Variants in SRC observed in about 807,000 individuals in gnomAD.
SRC encodes the protein SRC proto-oncogene, non-receptor tyrosine kinase, also known as proto-oncogene tyrosine-protein kinase Src.
In SRC, 13 loss-of-function variants were observed where a neutral mutation model predicts 62.9. The observed-to-expected ratio is 0.21, with a 90% CI of 0.13 to 0.33. The LOEUF is 0.33. Ranked by LOEUF, SRC falls within the 10% of genes least tolerant of loss-of-function variation. The pLI, the probability that SRC is intolerant of heterozygous loss-of-function variation, is 1.00. For missense variants in SRC, 457 were observed against 737.3 expected, an observed-to-expected ratio of 0.62 and a Z score of 4.40; for synonymous variants, 302 against 317.5, an observed-to-expected ratio of 0.95 and a Z score of 0.52.
intron 2 of SRC, among the ~76,000 whole-genome samples, chr20:37,367,629 C>T (rs2070084521): frequency 6.6e-6 from 1 of 151,518 alleles, no homozygotes; most frequent in Admixed American, 6.6e-5. Flanking sequence ...TGCATGCCAC[C>T]ATGCCTGACT....
At chr20:37,399,544 A>G (rs2070707811) in intron 9 of SRC, among the ~76,000 whole-genome samples, 1 of 150,168 alleles carries the variant, frequency 6.7e-6, no homozygotes, top group East Asian at 1.9e-4. Flanking sequence ...GCTGCTTTTT[A>G]GGACTTTTTT....
chr20:37,375,151 G>A lies in SRC; in HGVS notation c.-172-7468G>A, dbSNP rs570218477. ...TCACCATGTTGGCCAGGCTGATCTC[G>A]AACTCCTGACCTCAGGTGATCCACC... is the stretch of plus-strand genomic sequence containing the variant. On this transcript the variant is annotated intron_variant, in intron 2 of 13. Transcript: ENST00000373578. 3.3e-5 allele frequency among the ~76,000 whole-genome samples: 5 copies of A among 151,056 alleles called. No individual in the cohort carries two copies. The East Asian group carries it at 5.9e-4, about 18-fold the overall frequency.
rs527829407 is a variant in SRC at position 37,373,302 on chromosome 20, T to C, written c.-173+8025T>C. On this transcript the variant is annotated intron_variant, in intron 2 of 13. Coordinates refer to ENST00000373578, the MANE Select transcript of SRC (RefSeq NM_198291.3). ...CACACACATATTACATATGTACACATGCACACATTACATATGTACACACAT... is the reference window on the plus strand; with the variant it reads ...CACACACATATTACATATGTACACACGCACACATTACATATGTACACACAT... Among the ~76,000 whole-genome samples the C allele has an allele frequency of 5.3e-5, 8 of 151,578 alleles. 1 individual carries two copies. The South Asian group carries it at 1.0e-3, about 20-fold the overall frequency.
At chr20:37,347,375 C>G (rs921444076) in intron 1 of SRC, among the ~76,000 whole-genome samples, 1 of 152,222 alleles carries the variant, frequency 6.6e-6, no homozygotes, top group Non-Finnish European at 1.5e-5. Context: ...CTTGTCTCAC[C>G]CAGTGACCTG....
Position 37,394,063 on chromosome 20 carries a change from G to A in SRC, c.449+70G>A, listed in dbSNP as rs1452022174. 2.3e-5 allele frequency: 36 copies of A among 1,571,512 alleles called. No homozygotes were observed. In the South Asian group the frequency reaches 3.4e-4, roughly 15 times the overall value. Reference sequence around the variant, plus strand: ...TGCCGGTGCAGAGTGCCTCTCCTGGGCTGGGGTGGGAGGTCTGGCTGTCCA... The same window carrying A: ...TGCCGGTGCAGAGTGCCTCTCCTGGACTGGGGTGGGAGGTCTGGCTGTCCA... On this transcript the variant is annotated intron_variant, in intron 6 of 13. Coordinates refer to ENST00000373578, the MANE Select transcript of SRC (RefSeq NM_198291.3).
At chr20:37,359,650 G>C (rs2069935772) in intron 1 of SRC, among the ~76,000 whole-genome samples, 1 of 152,166 alleles carries the variant, frequency 6.6e-6, no homozygotes, top group African/African-American at 2.4e-5. Context: ...TGAGAAAGGG[G>C]AAGAACAGGG....
At chr20:37,383,886 C>T (rs946733680) in intron 3 of SRC, among the ~76,000 whole-genome samples, 3 of 150,008 alleles carry the variant, frequency 2.0e-5, no homozygotes, top group African/African-American at 7.6e-5. Context: ...CGCGTGCCAC[C>T]ATGCCCGGCT....
At chr20:37,399,438 G>A (rs145497410) in intron 9 of SRC, among the ~76,000 whole-genome samples, 16 of 152,276 alleles carry the variant, frequency 1.1e-4, no homozygotes, top group African/African-American at 3.4e-4. Context: ...TAACACATGA[G>A]GCACGTTCAA....
In SRC at chr20:37,396,950, C is replaced by T. The variant is rs1464327133; in HGVS notation, c.703+639C>T. ...AGCCTCCTCCTCCTCTCAGCTTGGCCTCCTGACTTCCTCTGGGATCACCCG... is the reference window on the plus strand; with the variant it reads ...AGCCTCCTCCTCCTCTCAGCTTGGCTTCCTGACTTCCTCTGGGATCACCCG... On this transcript the variant is annotated intron_variant, in intron 8 of 13. Coordinates refer to ENST00000373578, the MANE Select transcript of SRC (RefSeq NM_198291.3). The surrounding 1 kb of genome is among the most constrained non-coding windows in gnomAD (Gnocchi z 6.1). 1.3e-5 allele frequency among the ~76,000 whole-genome samples: 2 copies of T among 152,082 alleles called. No homozygotes were observed. Among genetic ancestry groups the T allele is most frequent in the African/African-American group, 4.8e-5 (2 of 41,400 alleles).
At chr20:37,401,530 T>G in intron 10 of SRC, 72 bp from the exon 11 acceptor site, 1 of 1,203,436 alleles carries the variant, frequency 8.3e-7, no homozygotes, top group Non-Finnish European at 1.2e-6. Context: ...CCTGGGAGGA[T>G]GGGTTTTGGG....
At position 37,373,077 on chromosome 20, in the gene SRC, T is replaced by A. The variant is rs147681780; in HGVS notation, c.-173+7800T>A. The stretch of plus-strand genomic sequence containing the variant: ...ACATATATACACACATATACACACA[T>A]ATATACATATATAAATACATATACA... On this transcript the variant is annotated intron_variant, in intron 2 of 13. Coordinates refer to ENST00000373578, the MANE Select transcript of SRC (RefSeq NM_198291.3). 2.5e-4 allele frequency among the ~76,000 whole-genome samples: 38 copies of A among 150,954 alleles called. No individual in the cohort carries two copies. In the East Asian group the frequency reaches 7.3e-3, roughly 29 times the overall value.
chr20:37,346,642 C>G (rs1377180337), intron 1 of SRC, among the ~76,000 whole-genome samples: 1 of 151,440 alleles, frequency 6.6e-6, no homozygotes, highest in East Asian at 2.0e-4. Flanking sequence ...GCCTGGGCTG[C>G]CCGGCCCTGC....
At chr20:37,354,927 A>G (rs1568618172) in intron 1 of SRC, among the ~76,000 whole-genome samples, 1 of 152,198 alleles carries the variant, frequency 6.6e-6, no homozygotes, top group Non-Finnish European at 1.5e-5. Flanking sequence ...TGCCAGGCTT[A>G]TAGAAAGTGT....
At chr20:37,361,319 C>T (rs533657639) in intron 1 of SRC, among the ~76,000 whole-genome samples, 2 of 152,278 alleles carry the variant, frequency 1.3e-5, no homozygotes, top group Admixed American at 6.5e-5. Context: ...CAGCCTGTCT[C>T]GGATGCCCTC....
rs1050547165 is a variant in SRC at position 37,405,205 on chromosome 20, TTGTG to T, written c.*1828_*1831del. ...TCCCTCTCCAACTGCCTAAGGCCCTTTGTGTAAGGTGTCTTAATACTGTCCTTTT... is the reference window on the plus strand; with the variant it reads ...TCCCTCTCCAACTGCCTAAGGCCCTTTAAGGTGTCTTAATACTGTCCTTTT... On this transcript the variant is annotated 3_prime_UTR_variant, in exon 14 of 14. Coordinates refer to ENST00000373578, the MANE Select transcript of SRC (RefSeq NM_198291.3). 4.3e-6 allele frequency: 1 copy of T among 231,060 alleles called. No homozygotes were observed. Among genetic ancestry groups the T allele is most frequent in the African/African-American group, 2.2e-5 (1 of 45,088 alleles). 14.3% of individuals were successfully genotyped at this position (231,060 alleles called of 1,614,324 possible).
In SRC at chr20:37,384,921, G is replaced by GC. The variant is rs1204014644; in HGVS notation, c.250+522dup. 6.6e-6 allele frequency among the ~76,000 whole-genome samples: 1 copy of GC among 152,160 alleles called. No homozygotes were observed. Among genetic ancestry groups the GC allele is most frequent in the African/African-American group, 2.4e-5 (1 of 41,440 alleles). ...GGCCGTTTTGGAGAGCCGCGGCGGTGCCCCAGACACTCCACGCAGACTTCA... is the reference window on the plus strand; with the variant it reads ...GGCCGTTTTGGAGAGCCGCGGCGGTGCCCCCAGACACTCCACGCAGACTTCA... On this transcript the variant is annotated intron_variant, in intron 4 of 13. Transcript: ENST00000373578. The surrounding 1 kb of genome is among the most constrained non-coding windows in gnomAD (Gnocchi z 6.7).
Position 37,351,898 on chromosome 20 carries a change from C to T in SRC, c.-247+5643C>T, listed in dbSNP as rs984144729. ...TGATTCTTATTAAGTGTGTACCCAA[C>T]GTGGCTAAAACTTTTCCCAGGTATA... On this transcript the variant is annotated intron_variant, in intron 1 of 13. Transcript: ENST00000373578. This position sits in a 1 kb window ranked among gnomAD's most constrained non-coding sequence, Gnocchi z 4.4. Among the ~76,000 whole-genome samples the T allele has an allele frequency of 3.9e-5, 6 of 152,190 alleles. No homozygotes were observed. Among genetic ancestry groups the T allele is most frequent in the South Asian group, 2.1e-4 (1 of 4,826 alleles).
Position 37,384,327 on chromosome 20 carries a change from C to T in SRC, c.174C>T (p.Ala58=), listed in dbSNP as rs2070413002. ...RGPSAAFAPA[A]AEPKLFGGFN... is the part of the protein sequence containing the mutation. ...CCAGCGCGGCCTTCGCCCCCGCGGC[C>T]GCCGAGCCCAAGCTGTTCGGAGGCT... is the stretch of plus-strand genomic sequence containing the variant. Residue 58 remains alanine (A), a synonymous_variant, in exon 4 of 14, where the codon GCC becomes GCT. Coordinates refer to ENST00000373578, the MANE Select transcript of SRC (RefSeq NM_198291.3). The surrounding 1 kb of genome is among the most constrained non-coding windows in gnomAD (Gnocchi z 6.7). 3.4e-6 allele frequency: 5 copies of T among 1,465,838 alleles called. No individual in the cohort carries two copies. The South Asian group carries it at 3.9e-5, about 11-fold the overall frequency. 90.8% of individuals were successfully genotyped at this position (1,465,838 alleles called of 1,614,324 possible). A position where few individuals can be genotyped will look rare whatever the true frequency, so the allele number is the denominator to read the frequency against.
intron 7 of SRC, among the ~76,000 whole-genome samples, chr20:37,395,836 C>T (rs1440412389): frequency 2.0e-5 from 3 of 152,274 alleles, no homozygotes; most frequent in Non-Finnish European, 4.4e-5. Flanking sequence ...GCCCTGGGAG[C>T]ACCCGCATTG....
Sources: allele counts gnomAD v4.1 joint callset (sites outside exome capture counted in the v4.1 genomes callset), GRCh38; gene constraint gnomAD v4.1.1; non-coding constraint Gnocchi (gnomAD v3.1); transcripts MANE v1.5; gene names NCBI Gene and HGNC (gene_info 2026-07-23, HGNC 2026-07-21).